Variants in CUL5 observed in about 807,000 individuals in gnomAD.
The protein encoded by CUL5 is cullin 5.
In CUL5, 26 loss-of-function variants were observed where a neutral mutation model predicts 108.8. The observed-to-expected ratio is 0.24, with a 90% confidence interval of 0.18 to 0.33. The LOEUF (loss-of-function observed/expected upper bound fraction) is 0.33, where lower values mean the gene tolerates loss of function less well. CUL5 is among the 10% of genes least tolerant of loss of function. CUL5 has a pLI of 1.00. For missense variants in CUL5, 524 were observed against 909.2 expected (o/e 0.58, Z 5.45); for synonymous variants, 334 against 298.0 (o/e 1.12, Z -1.25).
intron 7 of CUL5, among the ~76,000 whole-genome samples, chr11:108,059,809 A>C (rs556769371): frequency 4.7e-4 from 71 of 151,830 alleles, no homozygotes; most frequent in African/African-American, 1.7e-3. Context: ...GCTTGAACCC[A>C]GGAGGCGGAG....
Position 108,073,371 on chromosome 11 carries a change from T to TA in CUL5, c.1006-15dup. 6 of 1,203,006 alleles carry TA rather than the reference T, an allele frequency of 5.0e-6. No homozygotes were observed. The highest frequency in any genetic ancestry group is 7.2e-6 in the Non-Finnish European group (6 of 830,806). 74.5% of individuals were successfully genotyped at this position (1,203,006 alleles called of 1,614,324 possible). The stretch of plus-strand genomic sequence containing the variant: ...TTCTTTTTCTTTTAAAAACTTAATG[T>TA]AAAACCTTTTGTTTCTAGGACTCTG... On this transcript the variant is annotated intron_variant, in intron 9 of 18. Transcript: ENST00000393094.
Position 108,105,235 on chromosome 11 carries a change from TGTTTACTA to T in CUL5, c.*852_*859del, listed in dbSNP as rs1864765557. 6.6e-6 allele frequency: 1 copy of T among 152,178 alleles called. No individual in the cohort carries two copies. The highest frequency in any genetic ancestry group is 6.6e-5 in the Admixed American group (1 of 15,266). The allele number at this position is 152,178 out of a possible 1,614,324, so 9.4% of individuals were successfully genotyped here. A position where few individuals can be genotyped will look rare whatever the true frequency, so the allele number is the denominator to read the frequency against. On this transcript the variant is annotated 3_prime_UTR_variant, in exon 19 of 19. Transcript: ENST00000393094. ...AAGTGTGTTTACTAAACATATTGTGTGTTTACTAACACACTTAATGTTTATATACCTAA... is the reference window on the plus strand; with the variant it reads ...AAGTGTGTTTACTAAACATATTGTGTACACACTTAATGTTTATATACCTAA...
intron 1 of CUL5, among the ~76,000 whole-genome samples, chr11:108,010,641 T>C (rs755822476): frequency 1.8e-4 from 27 of 152,210 alleles, no homozygotes; most frequent in South Asian, 2.1e-4. Context: ...ATATCTATAA[T>C]GCTTAAAACA....
chr11:108,078,750 T>G (rs1863999694), intron 11 of CUL5, among the ~76,000 whole-genome samples: 1 of 152,186 alleles, frequency 6.6e-6, no homozygotes, highest in Admixed American at 6.5e-5. Flanking sequence ...AGTCTTTTGA[T>G]GTGCTTCTAG....
At chr11:108,096,872 C>T (rs1306677748) in intron 16 of CUL5, among the ~76,000 whole-genome samples, 1 of 151,860 alleles carries the variant, frequency 6.6e-6, no homozygotes, top group East Asian at 1.9e-4. Flanking sequence ...CAGATACATA[C>T]TTAATTTTTA....
intron 1 of CUL5, among the ~76,000 whole-genome samples, chr11:108,022,777 G>A (rs1370534118): frequency 6.6e-6 from 1 of 152,070 alleles, no homozygotes; most frequent in Non-Finnish European, 1.5e-5. Context: ...TCTCTGAGCC[G>A]GTGGTTCAAG....
intron 2 of CUL5, among the ~76,000 whole-genome samples, chr11:108,035,602 G>A (rs1591286745): frequency 6.6e-6 from 1 of 151,730 alleles, no homozygotes; most frequent in African/African-American, 2.4e-5. Context: ...TTATCTGGGT[G>A]TGGTGGCACA....
In CUL5 at chr11:108,105,065, G is replaced by T. The variant is rs1392332411; in HGVS notation, c.*681G>T. On this transcript the variant is annotated 3_prime_UTR_variant, in exon 19 of 19. Transcript: ENST00000393094. ...TATTTTAGTTGTTGTTAAATGATGA[G>T]GAGTTTTTTTTTTTTTAAATATGGC... is the stretch of plus-strand genomic sequence containing the variant. 6.6e-6 allele frequency: 1 copy of T among 151,732 alleles called. No homozygotes were observed. The highest frequency in any genetic ancestry group is 2.4e-5 in the African/African-American group (1 of 41,238). 9.4% of individuals were successfully genotyped at this position (151,732 alleles called of 1,614,324 possible).
intron 3 of CUL5, among the ~76,000 whole-genome samples, chr11:108,049,564 A>G (rs1275889266): frequency 6.6e-6 from 1 of 151,828 alleles, no homozygotes; most frequent in Non-Finnish European, 1.5e-5. Context: ...GTTGGTCTCA[A>G]ATTCCTGAGC....
intron 2 of CUL5, among the ~76,000 whole-genome samples, chr11:108,040,977 A>G (rs1862889835): frequency 1.3e-5 from 2 of 152,186 alleles, no homozygotes; most frequent in South Asian, 4.1e-4. Flanking sequence ...ATGAGACTCA[A>G]GTCCTGTTTG....
intron 12 of CUL5, 71 bp from the exon 13 acceptor site, chr11:108,089,421 T>C (rs1263070632): frequency 8.7e-7 from 1 of 1,145,726 alleles, no homozygotes; most frequent in East Asian, 2.7e-5. Flanking sequence ...AATTGGTGGA[T>C]ATAGAAAGGT....
chr11:108,081,899 C>G (rs115391635), intron 11 of CUL5, among the ~76,000 whole-genome samples: 2,067 of 152,294 alleles, frequency 0.014, 46 homozygotes, highest in African/African-American at 0.047. Context: ...AAGATGTGTG[C>G]ATGTTTCAAG....
At chr11:108,049,328 G>T (rs1863152522) in intron 3 of CUL5, among the ~76,000 whole-genome samples, 1 of 151,286 alleles carries the variant, frequency 6.6e-6, no homozygotes, top group Non-Finnish European at 1.5e-5. Context: ...GGGGTTTTTT[G>T]GTTTCTTTTT....
intron 2 of CUL5, among the ~76,000 whole-genome samples, chr11:108,039,325 A>G (rs981458442): frequency 3.9e-5 from 6 of 152,066 alleles, no homozygotes; most frequent in Admixed American, 3.9e-4. Context: ...CGGCCTGTCC[A>G]TGCTTATGAA....
chr11:108,034,569 TCAG>T (rs1407417001), intron 2 of CUL5, among the ~76,000 whole-genome samples: 1 of 152,148 alleles, frequency 6.6e-6, no homozygotes, highest in Non-Finnish European at 1.5e-5. Context: ...GATTGTAAGT[TCAG>T]CAGTCAGGTT....
Position 108,107,376 on chromosome 11 carries a change from A to C in CUL5, c.*2992A>C, listed in dbSNP as rs751608745. 6.5e-6 allele frequency: 1 copy of C among 152,728 alleles called. No homozygotes were observed. Among genetic ancestry groups the C allele is most frequent in the East Asian group, 1.9e-4 (1 of 5,190 alleles). 9.5% of individuals were successfully genotyped at this position (152,728 alleles called of 1,614,324 possible). A position where few individuals can be genotyped will look rare whatever the true frequency, so the allele number is the denominator to read the frequency against. On this transcript the variant is annotated 3_prime_UTR_variant, in exon 19 of 19. Transcript: ENST00000393094. ...CTTCAGTCTGGGTGAAAGATTTGCT[A>C]GTTTTACAGAAAGATTTGCTATCTT...
chr11:108,091,689 TCTCA>T (rs938486370), intron 13 of CUL5, among the ~76,000 whole-genome samples: 1 of 76,610 alleles, frequency 1.3e-5, no homozygotes, highest in Non-Finnish European at 2.8e-5. Flanking sequence ...ATCCTGTCTC[TCTCA>T]CTCACACACA....
intron 2 of CUL5, 74 bp from the exon 3 acceptor site, chr11:108,046,196 G>GA: frequency 9.2e-7 from 1 of 1,089,794 alleles, no homozygotes; most frequent in East Asian, 2.5e-5. Flanking sequence ...AAACTGTACT[G>GA]AAATAGAATT....
intron 11 of CUL5, among the ~76,000 whole-genome samples, chr11:108,080,182 C>A (rs1391868050): frequency 6.6e-6 from 1 of 150,952 alleles, no homozygotes; most frequent in African/African-American, 2.4e-5. Flanking sequence ...CTGCAGCCTC[C>A]ACCTCCTGGG....
Sources: allele counts gnomAD v4.1 joint callset (sites outside exome capture counted in the v4.1 genomes callset), GRCh38; gene constraint gnomAD v4.1.1; transcripts MANE v1.5; gene names NCBI Gene and HGNC (gene_info 2026-07-23, HGNC 2026-07-21).